Variants in PPFIBP1 observed in about 807,000 individuals in gnomAD.
PPFIBP1 encodes PPFIB scaffold protein 1.
In PPFIBP1, 112 loss-of-function variants were observed where a neutral mutation model predicts 137.8. That is an observed-to-expected ratio of 0.81 (90% CI 0.70 to 0.95). The LOEUF (loss-of-function observed/expected upper bound fraction) is 0.95. PPFIBP1 is among the 40% of genes least tolerant of loss of function. The probability of loss-of-function intolerance (pLI) is 0.00; values close to 1 mark genes in which losing one functional copy is unlikely to be tolerated. For synonymous variants in PPFIBP1, 378 were observed against 417.3 expected (o/e 0.91, Z 1.15); for missense variants, 1,083 against 1,196.6 (o/e 0.91, Z 1.40).
chr12:27,634,835 G>T lies in PPFIBP1; in HGVS notation c.65-75G>T, dbSNP rs1243031496. The T allele has an allele frequency of 1.1e-5, 14 of 1,273,474 alleles. No homozygotes were observed. The African/African-American group carries it at 1.3e-4, about 12-fold the overall frequency. 78.9% of individuals were successfully genotyped at this position (1,273,474 alleles called of 1,614,324 possible). A position where few individuals can be genotyped will look rare whatever the true frequency, so the allele number is the denominator to read the frequency against. On this transcript the variant is annotated intron_variant, in intron 3 of 29. Coordinates refer to ENST00000228425, the MANE Select transcript of PPFIBP1 (RefSeq NM_003622.4). ...ATTGTTCCTTACTGTGACTAGACTG[G>T]TTTACCGCCTTCGGCTTTGGTATTT... is the stretch of plus-strand genomic sequence containing the variant.
At chr12:27,652,276 G>A (rs1197224712) in intron 7 of PPFIBP1, among the ~76,000 whole-genome samples, 1 of 152,204 alleles carries the variant, frequency 6.6e-6, no homozygotes, top group Non-Finnish European at 1.5e-5. Flanking sequence ...GAGGGTACAA[G>A]TCTTTAAACT....
chr12:27,685,836 T>C (rs2061171664), intron 24 of PPFIBP1, among the ~76,000 whole-genome samples: 2 of 152,232 alleles, frequency 1.3e-5, no homozygotes, highest in South Asian at 4.1e-4. Flanking sequence ...AATTCTATTC[T>C]ATCTTTGGCA....
At chr12:27,612,678 C>T (rs1047533288) in intron 2 of PPFIBP1, among the ~76,000 whole-genome samples, 5 of 152,010 alleles carry the variant, frequency 3.3e-5, no homozygotes, top group African/African-American at 4.8e-5. Context: ...CACCCCACTC[C>T]CTGTTCCCGC....
At chr12:27,684,881 C>A (rs761881725) in intron 24 of PPFIBP1, among the ~76,000 whole-genome samples, 1 of 152,086 alleles carries the variant, frequency 6.6e-6, no homozygotes, top group South Asian at 2.1e-4. Context: ...TAACATCTTA[C>A]GTAATCATGA....
chr12:27,646,408 C>CTTT (rs59630572), intron 5 of PPFIBP1: 79 of 350,762 alleles, frequency 2.3e-4, no homozygotes, highest in Middle Eastern at 9.8e-4. Flanking sequence ...CTGATCTGTT[C>CTTT]TTTTTTTTTT....
At chr12:27,683,095 G>T (rs776935356) in intron 24 of PPFIBP1, among the ~76,000 whole-genome samples, 8 of 152,000 alleles carry the variant, frequency 5.3e-5, no homozygotes, top group South Asian at 2.1e-4. Context: ...ATGGAGTCTC[G>T]CTCTGTCACC....
intron 1 of PPFIBP1, among the ~76,000 whole-genome samples, chr12:27,532,621 G>C (rs1204788476): frequency 2.6e-5 from 4 of 152,134 alleles, no homozygotes; most frequent in African/African-American, 9.7e-5. Flanking sequence ...AAGAGACTGG[G>C]TTTCTTGAGG....
intron 9 of PPFIBP1, chr12:27,656,935 G>T: frequency 2.2e-6 from 1 of 459,066 alleles, no homozygotes; most frequent in East Asian, 4.0e-5. Flanking sequence ...GCTGGAAAAG[G>T]GGAATTCTGT....
intron 24 of PPFIBP1, among the ~76,000 whole-genome samples, chr12:27,686,901 C>G (rs535925861): frequency 1.3e-5 from 2 of 151,966 alleles, no homozygotes; most frequent in South Asian, 4.2e-4. Context: ...AAAAGAAAGC[C>G]AACTCTTGAT....
At chr12:27,592,404 T>C (rs1312322994) in intron 2 of PPFIBP1, 5 of 645,224 alleles carry the variant, frequency 7.7e-6, no homozygotes, top group Non-Finnish European at 1.3e-5. Context: ...GGATTATCAG[T>C]GGAATCCTAT....
chr12:27,614,799 G>A (rs1403416828), intron 2 of PPFIBP1, among the ~76,000 whole-genome samples: 3 of 152,046 alleles, frequency 2.0e-5, no homozygotes, highest in Admixed American at 6.6e-5. Context: ...TTATATAACC[G>A]GAATCAAAGA....
intron 2 of PPFIBP1, among the ~76,000 whole-genome samples, chr12:27,580,385 A>T (rs2050979743): frequency 6.6e-6 from 1 of 152,212 alleles, no homozygotes; most frequent in African/African-American, 2.4e-5. Context: ...TTCAGATCAC[A>T]ATTCCACCAC....
At chr12:27,617,253 G>A (rs982353792) in intron 2 of PPFIBP1, among the ~76,000 whole-genome samples, 8 of 152,084 alleles carry the variant, frequency 5.3e-5, no homozygotes, top group Middle Eastern at 3.2e-3. Flanking sequence ...TGTATACCCC[G>A]ATCACTTAGA....
chr12:27,591,751 T>C (rs2052541932), intron 2 of PPFIBP1, among the ~76,000 whole-genome samples: 1 of 152,210 alleles, frequency 6.6e-6, no homozygotes, highest in Non-Finnish European at 1.5e-5. Context: ...GGTTAAGAAG[T>C]GTTCACAGTC....
chr12:27,587,449 C>T (rs1456360658), intron 2 of PPFIBP1, among the ~76,000 whole-genome samples: 1 of 151,454 alleles, frequency 6.6e-6, no homozygotes, highest in Non-Finnish European at 1.5e-5. Flanking sequence ...GGTGAAACCC[C>T]GTCTCTACTA....
intron 2 of PPFIBP1, among the ~76,000 whole-genome samples, chr12:27,595,884 AAAAT>A (rs2053193357): frequency 1.8e-5 from 1 of 55,604 alleles, no homozygotes; most frequent in Non-Finnish European, 4.7e-5. Context: ...CAACAACAAC[AAAAT>A]ATATATATAT....
chr12:27,633,454 A>T lies in PPFIBP1; in HGVS notation c.58A>T (p.Ile20Leu). The change falls in exon 3 of 30, where the codon ATA becomes TTA. Residue 20 changes from isoleucine to leucine, a missense_variant. Transcript: ENST00000228425. ...AGCGTTGGAGCAGATGGATGGTATC[A>T]TAGCAGGTGATCTGCATCCTGTGAA... ...AAALEQMDGI[I>L]AGSKALEYSN... The T allele has an allele frequency of 6.2e-7, 1 of 1,612,322 alleles. No homozygotes were observed. The highest frequency in any genetic ancestry group is 8.5e-7 in the Non-Finnish European group (1 of 1,179,668).
chr12:27,634,209 A>G (rs553965064), intron 3 of PPFIBP1, among the ~76,000 whole-genome samples: 26 of 129,206 alleles, frequency 2.0e-4, no homozygotes, highest in African/African-American at 7.9e-4. Flanking sequence ...TGTAGTGGCT[A>G]TTTACAGGCA....
rs1215902348 is a variant in PPFIBP1 at position 27,676,543 on chromosome 12, G to A, written c.1526G>A (p.Gly509Asp). 6.2e-7 allele frequency: 1 copy of A among 1,607,876 alleles called. No individual in the cohort carries two copies. Among genetic ancestry groups the A allele is most frequent in the Non-Finnish European group, 8.5e-7 (1 of 1,176,406 alleles). ...FGTRKVRSSF[G>D]RGFFKIKSNK... ...ACTCGAAAAGTCAGATCTTCCTTTG[G>A]CCGGGGCTTTTTTAAAATCAAAAGT... Residue 509 changes from glycine to aspartate, a missense_variant, in exon 18 of 30, where the codon GGC (glycine) becomes GAC (aspartate). Transcript: ENST00000228425.
Sources: gnomAD v4.1 joint callset for allele counts (sites outside exome capture counted in the v4.1 genomes callset) on GRCh38, gnomAD v4.1.1 for gene constraint, MANE v1.5 for transcripts, NCBI Gene and HGNC (gene_info 2026-07-23, HGNC 2026-07-21) for gene names.